Variants in PLPP3 observed in about 807,000 individuals in gnomAD.
PLPP3 encodes the protein phospholipid phosphatase 3.
In PLPP3, 6 loss-of-function variants were observed where a neutral mutation model predicts 29.6. The observed-to-expected ratio is 0.20, with a 90% CI of 0.11 to 0.40. PLPP3 has a LOEUF of 0.40. PLPP3 is among the 10% of genes least tolerant of loss of function. The pLI, the probability that PLPP3 is intolerant of heterozygous loss-of-function variation, is 1.00. For missense variants in PLPP3, 308 were observed against 407.7 expected, an observed-to-expected ratio of 0.76 and a Z score of 2.11; for synonymous variants, 152 against 159.7, an observed-to-expected ratio of 0.95 and a Z score of 0.36.
At chr1:56,520,620 T>C (rs976696631) in intron 4 of PLPP3, among the ~76,000 whole-genome samples, 1 of 118,734 alleles carries the variant, frequency 8.4e-6, no homozygotes, top group East Asian at 2.1e-4. Flanking sequence ...TCCCAACACT[T>C]TGGGAGGCTG....
chr1:56,557,008 A>AAGAAAGAAAGAG (rs1553139323), intron 1 of PLPP3, among the ~76,000 whole-genome samples: 189 of 13,728 alleles, frequency 0.014, 8 homozygotes, highest in Middle Eastern at 0.036. Context: ...GAAAGAAAGA[A>AAGAAAGAAAGAG]AGAGAGAGAG....
intron 2 of PLPP3, among the ~76,000 whole-genome samples, chr1:56,528,113 A>G (rs1645864195): frequency 6.6e-6 from 1 of 152,184 alleles, no homozygotes; most frequent in South Asian, 2.1e-4. Context: ...AACAGCAAGC[A>G]ACAGATTCTG....
At position 56,521,839 on chromosome 1, in the gene PLPP3, A is replaced by G. The variant is rs569730846; in HGVS notation, c.633+1984T>C. Among the ~76,000 whole-genome samples the G allele has an allele frequency of 2.4e-3, 370 of 152,020 alleles. 1 individual carries two copies. The highest frequency in any genetic ancestry group is 8.4e-3 in the African/African-American group (350 of 41,442). On this transcript the variant is annotated intron_variant, in intron 4 of 5. Transcript: ENST00000371250. ...TCTGAGGGATGCAAATAAACCTTCA[A>G]TCAAAATATACCTCTCACCCATCAT...
At chr1:56,560,982 C>T (rs1314007471) in intron 1 of PLPP3, among the ~76,000 whole-genome samples, 9 of 151,388 alleles carry the variant, frequency 5.9e-5, no homozygotes, top group Middle Eastern at 3.4e-3. Flanking sequence ...GGATTACAGG[C>T]GCCTGCCACC....
chr1:56,554,008 T>C (rs1271772296), intron 1 of PLPP3, among the ~76,000 whole-genome samples: 1 of 152,098 alleles, frequency 6.6e-6, no homozygotes, highest in East Asian at 1.9e-4. Flanking sequence ...ATTATTTATT[T>C]CACATACTGA....
intron 5 of PLPP3, among the ~76,000 whole-genome samples, chr1:56,504,966 G>C (rs912270264): frequency 2.0e-5 from 3 of 152,060 alleles, no homozygotes; most frequent in African/African-American, 7.2e-5. Context: ...ATTTTTGAAG[G>C]TTAATAGAAA....
chr1:56,554,900 A>G (rs545801201), intron 1 of PLPP3, among the ~76,000 whole-genome samples: 1 of 152,320 alleles, frequency 6.6e-6, no homozygotes, highest in African/African-American at 2.4e-5. Context: ...CTCATAGTCA[A>G]TCCCTATCTC....
At chr1:56,527,941 G>A (rs1057384785) in intron 2 of PLPP3, among the ~76,000 whole-genome samples, 5 of 152,026 alleles carry the variant, frequency 3.3e-5, no homozygotes, top group African/African-American at 1.2e-4. Context: ...TTTTATTCCT[G>A]GGTAAGAAAA....
intron 1 of PLPP3, among the ~76,000 whole-genome samples, 200 bp from the exon 2 acceptor site, chr1:56,537,312 C>T (rs189629519): frequency 2.1e-3 from 324 of 152,182 alleles, no homozygotes; most frequent in Middle Eastern, 6.8e-3. Flanking sequence ...TTCCACACCC[C>T]CATGAGGAGA....
intron 1 of PLPP3, among the ~76,000 whole-genome samples, chr1:56,574,350 A>G (rs1646220768): frequency 6.6e-6 from 1 of 152,156 alleles, no homozygotes; most frequent in South Asian, 2.1e-4. Flanking sequence ...CCTAGTCTCA[A>G]GGTATCCTCC....
chr1:56,534,319 G>GT (rs1220142854), intron 2 of PLPP3, among the ~76,000 whole-genome samples: 9 of 152,276 alleles, frequency 5.9e-5, no homozygotes, highest in African/African-American at 2.2e-4. Context: ...ACATGACTAG[G>GT]TTTTTCCATA....
chr1:56,579,122 T>TGGCGGGTCGGCCCCGGCTCCGGGCGC lies in PLPP3; in HGVS notation c.-132_-107dup. 6.8e-7 allele frequency: 1 copy of TGGCGGGTCGGCCCCGGCTCCGGGCGC among 1,459,924 alleles called. No homozygotes were observed. Among genetic ancestry groups the TGGCGGGTCGGCCCCGGCTCCGGGCGC allele is most frequent in the Non-Finnish European group, 9.0e-7 (1 of 1,105,628 alleles). The allele number at this position is 1,459,924 out of a possible 1,614,324, so 90.4% of individuals were successfully genotyped here. The stretch of plus-strand genomic sequence containing the variant: ...TCCTGGCCGAGGCTGCTGCGGATAG[T>TGGCGGGTCGGCCCCGGCTCCGGGCGC]GGCGGGTCGGCCCCGGCTCCGGGCG... On this transcript the variant is annotated 5_prime_UTR_variant, in exon 1 of 6. Transcript: ENST00000371250.
intron 1 of PLPP3, among the ~76,000 whole-genome samples, chr1:56,577,100 AC>A (rs1158829515): frequency 6.6e-6 from 1 of 152,176 alleles, no homozygotes; most frequent in African/African-American, 2.4e-5. Flanking sequence ...GAAAGAGCTT[AC>A]CCTGCCACCA....
Position 56,524,502 on chromosome 1 carries a change from G to T in PLPP3, c.350C>A (p.Thr117Lys). Residue 117 changes from threonine (T) to lysine (K), a missense_variant, in exon 3 of 6, where the codon ACG (threonine) becomes AAG (lysine). By Grantham distance (78) the Thr-to-Lys change is moderately conservative. Coordinates refer to ENST00000371250, the MANE Select transcript of PLPP3 (RefSeq NM_003713.5). This position sits in a 1 kb window ranked among gnomAD's most constrained non-coding sequence, Gnocchi z 4.3. The part of the protein sequence containing the change: ...RIYYLKKSRS[T>K]IQNPYVAALY... ...TGCTGCCACGTAGGGGTTCTGAATC[G>T]TCGACCGCGACTTCTTCAGGTAATA... is the stretch of plus-strand genomic sequence containing the variant. 2.5e-6 allele frequency: 4 copies of T among 1,613,072 alleles called. No individual in the cohort carries two copies. The highest frequency in any genetic ancestry group is 8.5e-7 in the Non-Finnish European group (1 of 1,179,094).
At chr1:56,502,277 CT>C (rs1645673121) in intron 5 of PLPP3, among the ~76,000 whole-genome samples, 1 of 152,164 alleles carries the variant, frequency 6.6e-6, no homozygotes, top group Non-Finnish European at 1.5e-5. Context: ...GAATCCCATC[CT>C]TACGTAACAC....
chr1:56,551,232 T>C (rs1005344370), intron 1 of PLPP3, among the ~76,000 whole-genome samples: 2 of 152,144 alleles, frequency 1.3e-5, no homozygotes, highest in African/African-American at 4.8e-5. Context: ...ACAGCCCATG[T>C]TAATCAAGCG....
At chr1:56,507,000 A>G (rs1645706412) in intron 5 of PLPP3, among the ~76,000 whole-genome samples, 1 of 152,148 alleles carries the variant, frequency 6.6e-6, no homozygotes, top group Non-Finnish European at 1.5e-5. Context: ...ATGACACTGT[A>G]TAGGTTTTCT....
At chr1:56,556,651 T>A (rs7545642) in intron 1 of PLPP3, among the ~76,000 whole-genome samples, 1 of 151,400 alleles carries the variant, frequency 6.6e-6, no homozygotes, top group Non-Finnish European at 1.5e-5. Context: ...TGAGACCCTG[T>A]CTCAAAAGAA....
chr1:56,511,317 T>C (rs540295341), intron 5 of PLPP3, among the ~76,000 whole-genome samples: 2 of 152,252 alleles, frequency 1.3e-5, no homozygotes, highest in Admixed American at 6.5e-5. Flanking sequence ...ACCCATTCAT[T>C]TGGGGCAAAT....
Sources: allele counts gnomAD v4.1 joint callset (sites outside exome capture counted in the v4.1 genomes callset), GRCh38; gene constraint gnomAD v4.1.1; non-coding constraint Gnocchi (gnomAD v3.1); transcripts MANE v1.5; gene names NCBI Gene and HGNC (gene_info 2026-07-23, HGNC 2026-07-21).